Variants in UNC13C observed in about 807,000 individuals in gnomAD.
The protein encoded by UNC13C is protein unc-13 homolog C.
UNC13C carries 174 observed loss-of-function variants against 245.4 expected under a neutral mutation model. That is an observed-to-expected ratio of 0.71 (90% CI 0.63 to 0.80). The LOEUF is 0.80. Among genes scored for constraint, UNC13C ranks in the 30% least tolerant of loss-of-function variants. UNC13C has a pLI of 0.00. For synonymous variants in UNC13C, 992 were observed against 895.1 expected (o/e 1.11, Z -1.93); for missense variants, 2,829 against 2,602.9 (o/e 1.09, Z -1.89).
At chr15:54,157,888 G>A (rs1456378356) in intron 4 of UNC13C, among the ~76,000 whole-genome samples, 5 of 152,128 alleles carry the variant, frequency 3.3e-5, no homozygotes, top group Non-Finnish European at 7.4e-5. Context: ...GGGAAAACTG[G>A]CTAGCCATAT....
intron 17 of UNC13C, among the ~76,000 whole-genome samples, chr15:54,363,441 T>A (rs2039283751): frequency 6.6e-6 from 1 of 152,204 alleles, no homozygotes; most frequent in Non-Finnish European, 1.5e-5. Flanking sequence ...GGTGAATATG[T>A]CACAAGTCAT....
intron 4 of UNC13C, among the ~76,000 whole-genome samples, chr15:54,199,546 T>TA (rs545679256): frequency 5.8e-4 from 88 of 151,838 alleles, no homozygotes; most frequent in Admixed American, 2.2e-3. Flanking sequence ...TTGACCTCCT[T>TA]AAAAAAAACA....
chr15:53,931,447 C>T, the UNC13C span, among the ~76,000 whole-genome samples: 1 of 152,044 alleles, frequency 6.6e-6, no homozygotes, highest in Non-Finnish European at 1.5e-5. Context: ...GGGATTACAG[C>T]CGTGAGCCAT....
the UNC13C span, among the ~76,000 whole-genome samples, chr15:53,970,131 CACTCCAACCTTT>C: frequency 3.3e-5 from 5 of 151,720 alleles, no homozygotes; most frequent in East Asian, 9.8e-4. Flanking sequence ...GCTCACTCCT[CACTCCAACCTTT>C]GCTCCAACCT....
At chr15:54,624,948 A>G (rs1201169606) in intron 32 of UNC13C, among the ~76,000 whole-genome samples, 1 of 152,168 alleles carries the variant, frequency 6.6e-6, no homozygotes, top group Non-Finnish European at 1.5e-5. Flanking sequence ...TGAAAAGAGG[A>G]GAGAAAGAGT....
chr15:54,522,904 C>T (rs543700552), intron 24 of UNC13C, among the ~76,000 whole-genome samples: 9 of 152,128 alleles, frequency 5.9e-5, no homozygotes, highest in Non-Finnish European at 8.8e-5. Flanking sequence ...TGTTCTTTCC[C>T]TCTTAATTTT....
intron 4 of UNC13C, among the ~76,000 whole-genome samples, chr15:54,221,908 T>G (rs2035238334): frequency 6.6e-6 from 1 of 152,074 alleles, no homozygotes; most frequent in Non-Finnish European, 1.5e-5. Flanking sequence ...AAGATTTTTA[T>G]TTGAAAAATT....
At chr15:54,265,866 G>T (rs1200816361) in intron 10 of UNC13C, among the ~76,000 whole-genome samples, 1 of 151,930 alleles carries the variant, frequency 6.6e-6, no homozygotes, top group Non-Finnish European at 1.5e-5. Flanking sequence ...TCTAAAGCCA[G>T]TAGACTTAGA....
At chr15:53,937,159 A>G in the UNC13C span, among the ~76,000 whole-genome samples, 1 of 152,202 alleles carries the variant, frequency 6.6e-6, no homozygotes, top group African/African-American at 2.4e-5. Flanking sequence ...GATGTTGATA[A>G]CTAGAATAGC....
At chr15:54,086,589 T>C (rs1281298983) in intron 2 of UNC13C, among the ~76,000 whole-genome samples, 2 of 152,018 alleles carry the variant, frequency 1.3e-5, no homozygotes, top group African/African-American at 4.8e-5. Flanking sequence ...AATCTTAAGA[T>C]GAAAGTTCAA....
intron 4 of UNC13C, among the ~76,000 whole-genome samples, chr15:54,158,715 T>C (rs1312448200): frequency 6.6e-6 from 1 of 151,958 alleles, no homozygotes; most frequent in Non-Finnish European, 1.5e-5. Context: ...AGTGGCACAA[T>C]CATGGTTCAC....
At chr15:54,530,000 A>G (rs1895661589) in intron 25 of UNC13C, among the ~76,000 whole-genome samples, 1 of 152,174 alleles carries the variant, frequency 6.6e-6, no homozygotes, top group South Asian at 2.1e-4. Context: ...AAGAACCATC[A>G]AAACTGGTGT....
At chr15:54,537,041 C>G (rs1274141053) in intron 26 of UNC13C, among the ~76,000 whole-genome samples, 4 of 151,784 alleles carry the variant, frequency 2.6e-5, no homozygotes, top group Non-Finnish European at 4.4e-5. Flanking sequence ...AAGTCAATCT[C>G]TGTTCACATA....
At chr15:54,042,825 C>T (rs554434730) in intron 2 of UNC13C, among the ~76,000 whole-genome samples, 5 of 152,034 alleles carry the variant, frequency 3.3e-5, no homozygotes, top group African/African-American at 1.2e-4. Context: ...TGCACTCCAG[C>T]CTGGGTGACA....
chr15:54,463,260 G>A (rs1489407349), intron 19 of UNC13C, among the ~76,000 whole-genome samples: 1 of 48,432 alleles, frequency 2.1e-5, no homozygotes, highest in Non-Finnish European at 6.0e-5. Context: ...TCAGTAGAAT[G>A]TGGGCGGGGG....
chr15:54,594,684 G>A (rs1898976011), intron 30 of UNC13C, among the ~76,000 whole-genome samples: 1 of 152,170 alleles, frequency 6.6e-6, no homozygotes, highest in African/African-American at 2.4e-5. Flanking sequence ...CATGCCCCCT[G>A]CAACATCCCC....
intron 30 of UNC13C, among the ~76,000 whole-genome samples, chr15:54,589,672 T>A (rs1292917168): frequency 6.6e-6 from 1 of 151,512 alleles, no homozygotes; most frequent in Non-Finnish European, 1.5e-5. Context: ...TTTTTTTTTC[T>A]TACTGATTTG....
intron 26 of UNC13C, among the ~76,000 whole-genome samples, chr15:54,540,045 C>G (rs921865825): frequency 1.3e-5 from 2 of 151,972 alleles, no homozygotes; most frequent in Non-Finnish European, 2.9e-5. Flanking sequence ...TTGCAGAAAT[C>G]CTCAGGGCTA....
At chr15:53,859,047 T>A in the UNC13C span, among the ~76,000 whole-genome samples, 2 of 152,118 alleles carry the variant, frequency 1.3e-5, no homozygotes, top group Non-Finnish European at 2.9e-5. Context: ...TTATCTTTTA[T>A]TTTTTTCTTA....
Sources: gnomAD v4.1 joint callset for allele counts (sites outside exome capture counted in the v4.1 genomes callset) on GRCh38, gnomAD v4.1.1 for gene constraint, MANE v1.5 for transcripts, NCBI Gene and HGNC (gene_info 2026-07-23, HGNC 2026-07-21) for gene names.